DACH2: variants seen among roughly 807,000 people sequenced by gnomAD.
The protein encoded by DACH2 is dachshund family transcription factor 2.
A neutral mutation model predicts 35.8 loss-of-function variants in DACH2; 17 were observed. That is an observed-to-expected ratio of 0.48 (90% confidence interval 0.33 to 0.71). The LOEUF (loss-of-function observed/expected upper bound fraction) is 0.71, where lower values mean the gene tolerates loss of function less well. DACH2 is among the 30% of genes least tolerant of loss of function. The probability of loss-of-function intolerance (pLI) is 0.02; values close to 1 mark genes in which losing one functional copy is unlikely to be tolerated. For synonymous variants in DACH2, 195 were observed against 177.3 expected (o/e 1.10, Z -0.79); for missense variants, 469 against 472.7 (o/e 0.99, Z 0.07).
intron 2 of DACH2, among the ~76,000 whole-genome samples, chrX:86,394,755 T>C (rs1602470892): frequency 8.9e-6 from 1 of 111,763 alleles, no homozygotes; most frequent in Admixed American, 9.6e-5. Context: ...CTTTAAGATA[T>C]AATATATAAA....
At chrX:86,157,975 T>TA (rs1236019393) in intron 1 of DACH2, among the ~76,000 whole-genome samples, 2 of 110,939 alleles carry the variant, frequency 1.8e-5, no homozygotes, top group Non-Finnish European at 1.9e-5. Flanking sequence ...TAGGTGCAAT[T>TA]ACAGAGCACC....
At chrX:86,639,353 T>C (rs1001944070) in intron 3 of DACH2, among the ~76,000 whole-genome samples, 1 of 111,797 alleles carries the variant, frequency 8.9e-6, no homozygotes, top group African/African-American at 3.3e-5. Context: ...GGATATGTCC[T>C]TGTGAACCCA....
intron 7 of DACH2, among the ~76,000 whole-genome samples, chrX:86,741,767 A>G (rs1024002913): frequency 1.4e-4 from 16 of 111,209 alleles, no homozygotes; most frequent in Admixed American, 2.9e-4. Context: ...CAAAAAGGGG[A>G]AAGGGATATA....
intron 3 of DACH2, among the ~76,000 whole-genome samples, chrX:86,616,122 A>G (rs1471623364): frequency 8.9e-6 from 1 of 111,864 alleles, no homozygotes; most frequent in Non-Finnish European, 1.9e-5. Context: ...TTATAGCTGC[A>G]TAATATTCCA....
At chrX:86,575,291 C>T (rs893865833) in intron 3 of DACH2, among the ~76,000 whole-genome samples, 1 of 110,803 alleles carries the variant, frequency 9.0e-6, no homozygotes, top group African/African-American at 3.3e-5. Flanking sequence ...CTGGCTTTCC[C>T]GTGAGTCACA....
Position 86,475,523 on chromosome X carries a change from G to A in DACH2, c.528-38756G>A, listed in dbSNP as rs772438172. Among the ~76,000 whole-genome samples, 37 of 111,602 alleles carry A rather than the reference G, an allele frequency of 3.3e-4. 1 individual carries two copies. The highest frequency in any genetic ancestry group is 2.5e-3 in the East Asian group (9 of 3,533). On this transcript the variant is annotated intron_variant, in intron 2 of 11. Coordinates refer to ENST00000373125, the MANE Select transcript of DACH2 (RefSeq NM_053281.3). ...GCATATAGAAATGCTACTGATTTTC[G>A]CACAATGATTTTGTATCCTGCAACT...
intron 1 of DACH2, among the ~76,000 whole-genome samples, chrX:86,243,599 A>G (rs1333689940): frequency 9.0e-6 from 1 of 111,606 alleles, no homozygotes; most frequent in Non-Finnish European, 1.9e-5. Flanking sequence ...ATTCAGAGAC[A>G]GTGGATTTAT....
chrX:86,161,911 T>C (rs988998310), intron 1 of DACH2, among the ~76,000 whole-genome samples: 25 of 111,668 alleles, frequency 2.2e-4, no homozygotes, highest in African/African-American at 7.5e-4. Context: ...AAAGCTTTTA[T>C]TATTCTTCCT....
At chrX:86,822,168 C>T (rs1307840475) in intron 11 of DACH2, among the ~76,000 whole-genome samples, 1 of 112,156 alleles carries the variant, frequency 8.9e-6, no homozygotes, top group Non-Finnish European at 1.9e-5. Context: ...TTTACTTCCA[C>T]ATTTGTGTTT....
intron 3 of DACH2, among the ~76,000 whole-genome samples, chrX:86,573,561 G>A (rs997979220): frequency 4.5e-5 from 5 of 111,353 alleles, no homozygotes; most frequent in East Asian, 2.8e-4. Flanking sequence ...CTCAGTCCAG[G>A]CTTGTATTGG....
chrX:86,289,188 G>A (rs924836843), intron 1 of DACH2, among the ~76,000 whole-genome samples: 6 of 108,239 alleles, frequency 5.5e-5, no homozygotes, highest in African/African-American at 1.3e-4. Flanking sequence ...TCAGGAGGAA[G>A]GTCCTGGAAA....
chrX:86,217,054 G>A (rs974804642), intron 1 of DACH2, among the ~76,000 whole-genome samples: 7 of 106,456 alleles, frequency 6.6e-5, no homozygotes, highest in Non-Finnish European at 1.3e-4. Context: ...TAGTGCCACT[G>A]CCTCCAGCCT....
At chrX:86,692,356 C>A (rs1205128695) in intron 4 of DACH2, among the ~76,000 whole-genome samples, 1 of 110,318 alleles carries the variant, frequency 9.1e-6, no homozygotes, top group Non-Finnish European at 1.9e-5. Context: ...TAATGCTACC[C>A]CTCCCCCCTC....
At chrX:86,597,465 A>G (rs1444761818) in intron 3 of DACH2, among the ~76,000 whole-genome samples, 1 of 111,452 alleles carries the variant, frequency 9.0e-6, no homozygotes, top group African/African-American at 3.3e-5. Flanking sequence ...ATTTCCTTAT[A>G]TTTCCTAAAT....
intron 4 of DACH2, among the ~76,000 whole-genome samples, chrX:86,666,877 A>G (rs1355134100): frequency 5.4e-5 from 6 of 110,908 alleles, no homozygotes; most frequent in Non-Finnish European, 9.4e-5. Flanking sequence ...GAATTCTAGA[A>G]TAACTACATT....
chrX:86,538,261 A>G (rs1441829485), intron 3 of DACH2, among the ~76,000 whole-genome samples: 1 of 111,448 alleles, frequency 9.0e-6, no homozygotes, highest in Non-Finnish European at 1.9e-5. Context: ...CACTTAAATA[A>G]TCTCTAAAAG....
intron 4 of DACH2, among the ~76,000 whole-genome samples, chrX:86,669,224 T>C (rs973975220): frequency 9.1e-6 from 1 of 110,144 alleles, no homozygotes; most frequent in African/African-American, 3.3e-5. Context: ...CATCTTCCCT[T>C]CAAAACACAT....
At chrX:86,268,414 G>A (rs1366611493) in intron 1 of DACH2, among the ~76,000 whole-genome samples, 1 of 111,242 alleles carries the variant, frequency 9.0e-6, no homozygotes, top group Non-Finnish European at 1.9e-5. Flanking sequence ...GCACAAAAAA[G>A]CAAAGCAATT....
chrX:86,373,330 T>C lies in DACH2; in HGVS notation c.489-3494T>C, dbSNP rs1218543054. 3.6e-5 allele frequency among the ~76,000 whole-genome samples: 4 copies of C among 111,227 alleles called. No homozygotes were observed. In the East Asian group the frequency reaches 1.1e-3, roughly 32 times the overall value. On this transcript the variant is annotated intron_variant, in intron 1 of 11. Coordinates refer to ENST00000373125, the MANE Select transcript of DACH2 (RefSeq NM_053281.3). ...ATTGAAATTCAGATTTTATGTAAACTGTTTTGATTTTTAAAGCTCTGTACA... is the reference window on the plus strand; with the variant it reads ...ATTGAAATTCAGATTTTATGTAAACCGTTTTGATTTTTAAAGCTCTGTACA...
Sources: allele counts gnomAD v4.1 joint callset (sites outside exome capture counted in the v4.1 genomes callset), GRCh38; gene constraint gnomAD v4.1.1; transcripts MANE v1.5; gene names NCBI Gene and HGNC (gene_info 2026-07-23, HGNC 2026-07-21).